The following PTPRD variants were observed in gnomAD, a reference collection of about 807,000 sequenced individuals.
PTPRD encodes the protein protein tyrosine phosphatase receptor type D.
In PTPRD, 34 loss-of-function variants were observed where a neutral mutation model predicts 214.5. The ratio of observed to expected loss-of-function variants is 0.16; its 90% CI spans 0.12 to 0.21. The LOEUF (loss-of-function observed/expected upper bound fraction) is 0.21. Among genes scored for constraint, PTPRD ranks in the 10% least tolerant of loss-of-function variants. The pLI, the probability that PTPRD is intolerant of heterozygous loss-of-function variation, is 1.00. For missense variants in PTPRD, 2,545 were observed against 2,398.7 expected, an observed-to-expected ratio of 1.06 and a Z score of -1.27; for synonymous variants, 1,128 against 845.7, an observed-to-expected ratio of 1.33 and a Z score of -5.79.
intron 10 of PTPRD, among the ~76,000 whole-genome samples, chr9:9,119,609 A>C (rs2099815682): frequency 6.6e-6 from 1 of 151,780 alleles, no homozygotes; most frequent in Non-Finnish European, 1.5e-5. Context: ...GGCTCACTGC[A>C]ACCTCCCAGG....
intron 7 of PTPRD, among the ~76,000 whole-genome samples, chr9:9,600,746 T>A (rs1226158691): frequency 6.6e-6 from 1 of 152,128 alleles, no homozygotes; most frequent in East Asian, 1.9e-4. Flanking sequence ...GAACCGTCCA[T>A]CCTTCCGATT....
At chr9:10,304,710 A>C (rs993850082) in intron 3 of PTPRD, among the ~76,000 whole-genome samples, 1 of 152,202 alleles carries the variant, frequency 6.6e-6, no homozygotes, top group African/African-American at 2.4e-5. Flanking sequence ...AGGTATGTGA[A>C]AAACCTCTTC....
chr9:9,663,028 T>C (rs913540220), intron 7 of PTPRD, among the ~76,000 whole-genome samples: 1 of 151,636 alleles, frequency 6.6e-6, no homozygotes, highest in African/African-American at 2.4e-5. Context: ...ACTGACATTA[T>C]GATTCCTATC....
At chr9:10,487,950 C>G (rs1229930118) in intron 2 of PTPRD, among the ~76,000 whole-genome samples, 2 of 147,134 alleles carry the variant, frequency 1.4e-5, no homozygotes. Flanking sequence ...CCCTTAATTT[C>G]TCCCAAATGA....
At chr9:9,201,543 T>C (rs2099941846) in intron 9 of PTPRD, among the ~76,000 whole-genome samples, 1 of 152,128 alleles carries the variant, frequency 6.6e-6, no homozygotes. Flanking sequence ...GAGTACTATA[T>C]TATAGACTTG....
At chr9:9,347,746 T>C (rs1472054076) in intron 9 of PTPRD, among the ~76,000 whole-genome samples, 1 of 152,150 alleles carries the variant, frequency 6.6e-6, no homozygotes, top group Non-Finnish European at 1.5e-5. Flanking sequence ...ATAATGGTAT[T>C]CTTATGAATT....
intron 12 of PTPRD, among the ~76,000 whole-genome samples, chr9:8,685,320 G>A (rs965135377): frequency 1.5e-4 from 23 of 151,492 alleles, no homozygotes; most frequent in South Asian, 2.1e-4. Context: ...GCCCAATGGA[G>A]CAATACTCTT....
chr9:8,724,650 C>T lies in PTPRD; in HGVS notation c.64+9130G>A, dbSNP rs183213054. Among the ~76,000 whole-genome samples the T allele has an allele frequency of 1.5e-4, 23 of 152,236 alleles. No individual in the cohort carries two copies. The East Asian group carries it at 4.2e-3, about 28-fold the overall frequency. ...TCTTACCCAGTCTCCACCACTTAGC[C>T]AGGCTCATTTATTTTTATCATGTCT... On this transcript the variant is annotated intron_variant, in intron 12 of 45. Coordinates refer to ENST00000381196, the MANE Select transcript of PTPRD (RefSeq NM_002839.4).
intron 8 of PTPRD, among the ~76,000 whole-genome samples, chr9:9,572,201 G>A (rs2086662177): frequency 6.6e-6 from 1 of 151,230 alleles, no homozygotes; most frequent in African/African-American, 2.4e-5. Flanking sequence ...TTCACAACTA[G>A]CTCTCCAGAA....
chr9:9,816,797 G>GA lies in PTPRD; in HGVS notation c.-367-49947dup, dbSNP rs762211865. On this transcript the variant is annotated intron_variant, in intron 5 of 45. Transcript: ENST00000381196. ...TCCTTTAGTAATAGATAGTGAACTG[G>GA]AAAAAAAATCCTTCAATAGTAAGAG... is the stretch of plus-strand genomic sequence containing the variant. Among the ~76,000 whole-genome samples the GA allele has an allele frequency of 1.2e-4, 18 of 151,428 alleles. No homozygotes were observed. The East Asian group carries it at 2.1e-3, about 18-fold the overall frequency.
intron 3 of PTPRD, among the ~76,000 whole-genome samples, chr9:10,283,125 T>TACAA (rs2095209411): frequency 6.7e-6 from 1 of 149,396 alleles, no homozygotes; most frequent in Admixed American, 6.7e-5. Flanking sequence ...CCTGCATATG[T>TACAA]ACACACACAC....
chr9:9,028,556 A>G (rs996803123), intron 10 of PTPRD, among the ~76,000 whole-genome samples: 2 of 152,026 alleles, frequency 1.3e-5, no homozygotes, highest in South Asian at 4.1e-4. Flanking sequence ...CTTGATTAAT[A>G]AAGTCTATTT....
chr9:9,213,513 G>T (rs929703956), intron 9 of PTPRD, among the ~76,000 whole-genome samples: 6 of 133,648 alleles, frequency 4.5e-5, no homozygotes, highest in East Asian at 4.0e-4. Context: ...TGTTTTCCTG[G>T]TTTTTTGTTT....
intron 9 of PTPRD, among the ~76,000 whole-genome samples, chr9:9,358,600 G>T (rs2054779930): frequency 6.6e-6 from 1 of 151,194 alleles, no homozygotes; most frequent in Admixed American, 6.6e-5. Flanking sequence ...TATGCCAATA[G>T]TCATAAAAGA....
In PTPRD at chr9:9,743,515, G is replaced by A. The variant is rs560558440; in HGVS notation, c.-325-8944C>T. On this transcript the variant is annotated intron_variant, in intron 6 of 45. Transcript: ENST00000381196. ...TGAGGGCTTAATATTAGATAATCCT[G>A]GACTTCATGGGCCATCTGACCTCCC... is the stretch of plus-strand genomic sequence containing the variant. Among the ~76,000 whole-genome samples the A allele has an allele frequency of 4.6e-5, 7 of 152,106 alleles. No individual in the cohort carries two copies. In the East Asian group the frequency reaches 1.2e-3, roughly 25 times the overall value.
chr9:8,740,510 A>T (rs2091647181), intron 11 of PTPRD, among the ~76,000 whole-genome samples: 1 of 152,246 alleles, frequency 6.6e-6, no homozygotes, highest in East Asian at 1.9e-4. Context: ...AATGTCAATT[A>T]CGGAAAATAT....
chr9:9,434,489 A>C (rs2084417671), intron 8 of PTPRD, among the ~76,000 whole-genome samples: 1 of 152,186 alleles, frequency 6.6e-6, no homozygotes, highest in South Asian at 2.1e-4. Flanking sequence ...GCCAATGACA[A>C]TACCAACTTC....
At chr9:8,862,670 T>G (rs976324871) in intron 11 of PTPRD, among the ~76,000 whole-genome samples, 3 of 152,232 alleles carry the variant, frequency 2.0e-5, no homozygotes, top group Non-Finnish European at 2.9e-5. Context: ...ATTTATGCTT[T>G]CTTTTTCCAC....
At chr9:9,004,570 G>C (rs540064804) in intron 11 of PTPRD, among the ~76,000 whole-genome samples, 1 of 151,752 alleles carries the variant, frequency 6.6e-6, no homozygotes, top group African/African-American at 2.4e-5. Context: ...TTCTCTTCCT[G>C]ACATTCTTTA....
Sources: allele counts gnomAD v4.1 joint callset (sites outside exome capture counted in the v4.1 genomes callset), GRCh38; gene constraint gnomAD v4.1.1; transcripts MANE v1.5; gene names NCBI Gene and HGNC (gene_info 2026-07-23, HGNC 2026-07-21).